The following YEATS2 variants were observed in gnomAD, a reference collection of about 807,000 sequenced individuals.
YEATS2 encodes YEATS domain containing 2.
A neutral mutation model predicts 163.2 loss-of-function variants in YEATS2; 77 were observed. That is an observed-to-expected ratio of 0.47 (90% CI 0.39 to 0.57). The LOEUF (loss-of-function observed/expected upper bound fraction) is 0.57. Among genes scored for constraint, YEATS2 ranks in the 20% least tolerant of loss-of-function variants. YEATS2 has a pLI of 0.00. For synonymous variants in YEATS2, 631 were observed against 645.1 expected, an observed-to-expected ratio of 0.98 and a Z score of 0.33; for missense variants, 1,549 against 1,729.8, an observed-to-expected ratio of 0.90 and a Z score of 1.85.
intron 21 of YEATS2, among the ~76,000 whole-genome samples, chr3:183,796,148 A>ATTTT (rs1176974770): frequency 2.9e-4 from 28 of 96,056 alleles, no homozygotes; most frequent in African/African-American, 1.2e-3. Context: ...ATGCCCGGCT[A>ATTTT]TTTTTTTTTT....
chr3:183,748,376 C>T (rs1322445459), intron 9 of YEATS2, among the ~76,000 whole-genome samples: 3 of 151,864 alleles, frequency 2.0e-5, no homozygotes, highest in African/African-American at 7.3e-5. Context: ...CTCAGCCTCC[C>T]AAGTAGCTGT....
rs1419273923 is a variant in YEATS2 at position 183,763,589 on chromosome 3, TAAAC to T, written c.1947+1312_1947+1315del. ...AATGAGGAAACTGTGGCTCAGAGGTTAAACAGTTTCCTTGGGAGCATTACAGCTA... is the reference window on the plus strand; with the variant it reads ...AATGAGGAAACTGTGGCTCAGAGGTTAGTTTCCTTGGGAGCATTACAGCTA... On this transcript the variant is annotated intron_variant, in intron 15 of 30. Coordinates refer to ENST00000305135, the MANE Select transcript of YEATS2 (RefSeq NM_018023.5). 3.3e-5 allele frequency among the ~76,000 whole-genome samples: 5 copies of T among 152,306 alleles called. No homozygotes were observed. The South Asian group carries it at 8.3e-4, about 25-fold the overall frequency.
chr3:183,807,224 G>A (rs1726306868), intron 28 of YEATS2, 132 bp downstream of exon 28: 2 of 803,928 alleles, frequency 2.5e-6, no homozygotes, highest in East Asian at 2.7e-5. Context: ...CTCTTCTGGT[G>A]CCGTAGATGC....
chr3:183,803,418 T>C lies in YEATS2; in HGVS notation c.3582+83T>C. 10 of 1,261,476 alleles carry C rather than the reference T, an allele frequency of 7.9e-6. No homozygotes were observed. The South Asian group carries it at 1.2e-4, about 15-fold the overall frequency. 78.1% of individuals were successfully genotyped at this position (1,261,476 alleles called of 1,614,324 possible). On this transcript the variant is annotated intron_variant, in intron 26 of 30. Transcript: ENST00000305135. ...AGGGATAAGATTGCAGCATATTTGG[T>C]TGAAATATTTGATGGCAGAATATTT...
intron 7 of YEATS2, among the ~76,000 whole-genome samples, chr3:183,729,976 C>T (rs1443578566): frequency 7.0e-6 from 1 of 143,830 alleles, no homozygotes; most frequent in Admixed American, 7.0e-5. Context: ...AGGTGTGAGT[C>T]ACCATGCCCG....
Position 183,772,511 on chromosome 3 carries a change from C to T in YEATS2, c.2154C>T (p.Thr718=). Residue 718 remains threonine (T), a synonymous_variant, in exon 16 of 31, where the codon ACC becomes ACT. Transcript: ENST00000305135. ...TTGCTCAGCCAGTGCAGACCTTAAC[C>T]AAGGCCCAGGTTACTGCCGCTGGTC... ...TIVAQPVQTL[T]KAQVTAAGPQ... The T allele has an allele frequency of 6.2e-7, 1 of 1,614,146 alleles. No individual in the cohort carries two copies. Among genetic ancestry groups the T allele is most frequent in the South Asian group, 1.1e-5 (1 of 91,080 alleles).
chr3:183,798,811 GT>G, intron 22 of YEATS2, 79 bp from the exon 23 acceptor site: 1 of 1,107,204 alleles, frequency 9.0e-7, no homozygotes, highest in Non-Finnish European at 1.4e-6. Context: ...CTAATGTGGG[GT>G]TGTCACCTGG....
intron 15 of YEATS2, among the ~76,000 whole-genome samples, chr3:183,767,252 G>A (rs1261452280): frequency 6.6e-6 from 1 of 151,570 alleles, no homozygotes; most frequent in African/African-American, 2.4e-5. Flanking sequence ...TTGAGACAGC[G>A]TCTAGCTCCG....
At chr3:183,705,231 G>A (rs1714501160) in intron 1 of YEATS2, among the ~76,000 whole-genome samples, 1 of 151,998 alleles carries the variant, frequency 6.6e-6, no homozygotes, top group Non-Finnish European at 1.5e-5. Context: ...TGTATTGTTT[G>A]TAGAGACAGG....
rs1720789504 is a variant in YEATS2, at chr3:183,756,572, C to T, written c.1435C>T (p.Pro479Ser). ...TPSPSPLPRT[P>S]TSTPVHVKQG... ...AAGCCCATCACCATTGCCTCGAACC[C>T]CGACTTCCACTCCAGTCCACGTGAA... Residue 479 changes from proline (P) to serine (S), a missense_variant, in exon 12 of 31, where the codon CCG becomes TCG. By Grantham distance (74) the Pro-to-Ser change is moderately conservative. Coordinates refer to ENST00000305135, the MANE Select transcript of YEATS2 (RefSeq NM_018023.5). 1 of 1,605,274 alleles carries T rather than the reference C, an allele frequency of 6.2e-7. No homozygotes were observed. The highest frequency in any genetic ancestry group is 1.7e-4 in the Middle Eastern group (1 of 6,038).
At chr3:183,705,470 T>C (rs1363090564) in intron 1 of YEATS2, among the ~76,000 whole-genome samples, 4 of 152,226 alleles carry the variant, frequency 2.6e-5, no homozygotes, top group African/African-American at 9.6e-5. Context: ...GTTGGATGTA[T>C]AGTTTAAGAT....
chr3:183,764,581 G>A (rs1435309612), intron 15 of YEATS2, among the ~76,000 whole-genome samples: 3 of 152,068 alleles, frequency 2.0e-5, no homozygotes, highest in Non-Finnish European at 4.4e-5. Context: ...AGGTCAAGGC[G>A]GGTGGATCGC....
chr3:183,795,980 GTTTT>G (rs11287278), intron 21 of YEATS2, among the ~76,000 whole-genome samples: 1 of 80,432 alleles, frequency 1.2e-5, no homozygotes, highest in Non-Finnish European at 2.5e-5. Context: ...TTGATGCTGG[GTTTT>G]TTTTTTTTTT....
At chr3:183,712,343 G>C (rs1184287226) in intron 1 of YEATS2, among the ~76,000 whole-genome samples, 1 of 151,392 alleles carries the variant, frequency 6.6e-6, no homozygotes, top group Non-Finnish European at 1.5e-5. Flanking sequence ...TGAGTAGCTG[G>C]GATTACTGGC....
Position 183,724,428 on chromosome 3 carries a change from A to G in YEATS2, c.547A>G (p.Arg183Gly), listed in dbSNP as rs369976668. 7.6e-5 allele frequency: 122 copies of G among 1,611,914 alleles called. No individual in the cohort carries two copies. The African/African-American group carries it at 1.4e-3, about 19-fold the overall frequency. Residue 183 changes from arginine (R) to glycine (G), a missense_variant, in exon 6 of 31, where the codon AGA (arginine) becomes GGA (glycine). Coordinates refer to ENST00000305135, the MANE Select transcript of YEATS2 (RefSeq NM_018023.5). ...TTATGATTTTTTTCAGGATACTTCT[A>G]GAATTACTGGCTCCCATAAAACAGA... ...PSRNTGRDTSRITGSHKTEQR... is the reference protein window; with the variant it reads ...PSRNTGRDTSGITGSHKTEQR...
chr3:183,799,863 C>G (rs1455264768), intron 23 of YEATS2, among the ~76,000 whole-genome samples: 1 of 135,134 alleles, frequency 7.4e-6, no homozygotes, highest in African/African-American at 2.8e-5. Flanking sequence ...GATGGAGTCT[C>G]ACTCTGTCAC....
At chr3:183,795,179 A>G (rs974233198) in intron 21 of YEATS2, among the ~76,000 whole-genome samples, 1 of 150,580 alleles carries the variant, frequency 6.6e-6, no homozygotes, top group Non-Finnish European at 1.5e-5. Flanking sequence ...CTCAAAAAAA[A>G]AAAAAGAAAA....
At position 183,803,073 on chromosome 3, in the gene YEATS2, C is replaced by T. The variant is rs147585354; in HGVS notation, c.3503-183C>T. On this transcript the variant is annotated intron_variant, in intron 25 of 30. Transcript: ENST00000305135. ...GAAGGTGTGTTGCTTTGAGTACACA[C>T]GGCAAGACACCTTCTCTTCTGAGGA... is the stretch of plus-strand genomic sequence containing the variant. 2.6e-3 allele frequency: 1,617 copies of T among 627,360 alleles called. 8 individuals are homozygous for T. Among genetic ancestry groups the T allele is most frequent in the Admixed American group, 5.0e-3 (177 of 35,572 alleles). The allele number at this position is 627,360 out of a possible 1,614,324, so 38.9% of individuals were successfully genotyped here. A position where few individuals can be genotyped will look rare whatever the true frequency, so the allele number is the denominator to read the frequency against.
intron 8 of YEATS2, among the ~76,000 whole-genome samples, chr3:183,742,760 A>T (rs1453783086): frequency 6.6e-6 from 1 of 152,246 alleles, no homozygotes; most frequent in Non-Finnish European, 1.5e-5. Flanking sequence ...TGGATAAAAC[A>T]CTGTCAAACA....
Sources: allele counts gnomAD v4.1 joint callset (sites outside exome capture counted in the v4.1 genomes callset), GRCh38; gene constraint gnomAD v4.1.1; transcripts MANE v1.5; gene names NCBI Gene and HGNC (gene_info 2026-07-23, HGNC 2026-07-21).